PHKB: variants seen among roughly 807,000 people sequenced by gnomAD.
PHKB encodes the protein phosphorylase kinase regulatory subunit beta, also known as phosphorylase b kinase regulatory subunit beta.
In PHKB, 122 loss-of-function variants were observed where a neutral mutation model predicts 152.1. The observed-to-expected ratio is 0.80, with a 90% CI of 0.69 to 0.93. The LOEUF (loss-of-function observed/expected upper bound fraction) is 0.93, where lower values mean the gene tolerates loss of function less well. PHKB is among the 40% of genes least tolerant of loss of function. PHKB has a pLI of 0.00. For synonymous variants in PHKB, 436 were observed against 464.9 expected, an observed-to-expected ratio of 0.94 and a Z score of 0.80; for missense variants, 1,304 against 1,328.4, an observed-to-expected ratio of 0.98 and a Z score of 0.29.
chr16:47,655,938 A>G (rs1973328620), intron 20 of PHKB, among the ~76,000 whole-genome samples: 1 of 150,318 alleles, frequency 6.7e-6, no homozygotes, highest in Non-Finnish European at 1.5e-5. Context: ...TACCTATCTC[A>G]TTTTCCCATT....
intron 4 of PHKB, among the ~76,000 whole-genome samples, chr16:47,510,157 C>G (rs1029555725): frequency 6.6e-6 from 1 of 152,194 alleles, no homozygotes; most frequent in African/African-American, 2.4e-5. Context: ...GCATTACCCT[C>G]TTGGCATGCA....
chr16:47,476,034 AT>A (rs538419863), intron 1 of PHKB, among the ~76,000 whole-genome samples: 6 of 150,122 alleles, frequency 4.0e-5, no homozygotes, highest in Non-Finnish European at 7.4e-5. Flanking sequence ...TGCCCAGCTA[AT>A]TTTTTTTTTC....
intron 1 of PHKB, among the ~76,000 whole-genome samples, chr16:47,472,224 T>A (rs371760175): frequency 2.0e-4 from 30 of 152,224 alleles, no homozygotes; most frequent in Admixed American, 7.8e-4. Flanking sequence ...TCCTTGATTC[T>A]TTGCTTGATT....
intron 28 of PHKB, among the ~76,000 whole-genome samples, chr16:47,695,842 A>G (rs567173828): frequency 2.0e-5 from 3 of 152,244 alleles, no homozygotes; most frequent in Non-Finnish European, 4.4e-5. Flanking sequence ...TTCTTGTTTT[A>G]AATGAAAGAT....
Position 47,594,160 on chromosome 16 carries a change from C to T in PHKB, c.1150C>T (p.Gln384Ter). The T allele has an allele frequency of 6.4e-7, 1 of 1,565,094 alleles. No homozygotes were observed. The change falls in exon 12 of 31, where the codon CAA becomes TAA. Residue 384 changes from glutamine to a stop codon, truncating the protein, a stop_gained. Transcript: ENST00000323584. LOFTEE classifies it high-confidence loss of function. ...AGGAGTTTTTAGAGGCAATCCTAAG[C>T]AAGTACAGGAATATCAGGATCTTTT... ...IDGVFRGNPK[Q>*]VQEYQDLLTP...
chr16:47,682,273 C>T (rs994635584), intron 26 of PHKB, among the ~76,000 whole-genome samples: 9 of 152,070 alleles, frequency 5.9e-5, no homozygotes, highest in African/African-American at 1.7e-4. Flanking sequence ...ATCTTTGTGG[C>T]GTTCTCTGTA....
intron 6 of PHKB, among the ~76,000 whole-genome samples, chr16:47,545,342 T>C (rs997823644): frequency 1.3e-5 from 2 of 152,190 alleles, no homozygotes; most frequent in Non-Finnish European, 2.9e-5. Flanking sequence ...TATTTCTCCT[T>C]CACTTATGAA....
intron 1 of PHKB, among the ~76,000 whole-genome samples, chr16:47,494,314 A>T (rs1970198503): frequency 6.6e-6 from 1 of 152,244 alleles, no homozygotes; most frequent in Non-Finnish European, 1.5e-5. Context: ...GATTAGCATC[A>T]GTTACAGGTG....
chr16:47,483,207 CTTTGTATTT>C (rs1206162357), intron 1 of PHKB, among the ~76,000 whole-genome samples: 2 of 151,138 alleles, frequency 1.3e-5, no homozygotes, highest in Admixed American at 6.6e-5. Context: ...CCCAGCTAAG[CTTTGTATTT>C]TTTGTATTTT....
chr16:47,524,406 T>C (rs369635049), intron 6 of PHKB, among the ~76,000 whole-genome samples: 1 of 152,196 alleles, frequency 6.6e-6, no homozygotes, highest in East Asian at 1.9e-4. Flanking sequence ...CTGCATACAT[T>C]TTGCTACATT....
chr16:47,593,429 G>A lies in PHKB; in HGVS notation c.1069-71G>A. ...CACTCCAGCCTGGGCCACAGAGTGAGATCTTGTCTCAAAATAATAATAATA... is the reference window on the plus strand; with the variant it reads ...CACTCCAGCCTGGGCCACAGAGTGAAATCTTGTCTCAAAATAATAATAATA... On this transcript the variant is annotated intron_variant, in intron 10 of 30. Transcript: ENST00000323584. 3.5e-6 allele frequency: 3 copies of A among 855,992 alleles called. No homozygotes were observed. In the South Asian group the frequency reaches 4.3e-5, roughly 12 times the overall value. 53.0% of individuals were successfully genotyped at this position (855,992 alleles called of 1,614,324 possible). A position where few individuals can be genotyped will look rare whatever the true frequency, so the allele number is the denominator to read the frequency against.
intron 7 of PHKB, chr16:47,565,905 T>A: frequency 8.9e-7 from 1 of 1,125,800 alleles, no homozygotes; most frequent in Non-Finnish European, 1.3e-6. Flanking sequence ...AGGCTTTAGA[T>A]TCAGTTTGGG....
chr16:47,483,393 C>G (rs548421181), intron 1 of PHKB, among the ~76,000 whole-genome samples: 1 of 152,206 alleles, frequency 6.6e-6, no homozygotes, highest in African/African-American at 2.4e-5. Flanking sequence ...TTCTTTTCCC[C>G]TCCATATAAT....
intron 25 of PHKB, among the ~76,000 whole-genome samples, chr16:47,666,843 A>G (rs1973547993): frequency 6.6e-6 from 1 of 152,224 alleles, no homozygotes; most frequent in Non-Finnish European, 1.5e-5. Context: ...TACCTGGCTG[A>G]ATCATCCTTT....
At chr16:47,596,583 A>C in intron 13 of PHKB, 52 bp downstream of exon 13, 2 of 1,525,454 alleles carry the variant, frequency 1.3e-6, no homozygotes. Context: ...TTAAGCTATT[A>C]GAAATAAATA....
intron 1 of PHKB, chr16:47,463,039 A>G (rs1037581345): frequency 6.6e-6 from 1 of 152,638 alleles, no homozygotes; most frequent in African/African-American, 2.4e-5. Flanking sequence ...TCTGGATATA[A>G]AAAGTGTTAT....
chr16:47,621,425 A>T (rs1567330773), intron 14 of PHKB, among the ~76,000 whole-genome samples: 1 of 152,144 alleles, frequency 6.6e-6, no homozygotes. Flanking sequence ...TTTGTTCTAA[A>T]TCTATTCAGT....
At chr16:47,586,930 G>A (rs1325873889) in intron 8 of PHKB, among the ~76,000 whole-genome samples, 3 of 151,610 alleles carry the variant, frequency 2.0e-5, no homozygotes, top group Non-Finnish European at 4.4e-5. Context: ...ATATATATGT[G>A]TGTGTGCATA....
rs1335434562 is a variant in PHKB at position 47,476,290 on chromosome 16, A to G, written c.76+14864A>G. The stretch of plus-strand genomic sequence containing the variant: ...AAAAGCGTGTTTTCTTAACTTACGT[A>G]TTTCTAACAGAAATTATTTTAGTTT... On this transcript the variant is annotated intron_variant, in intron 1 of 30. Coordinates refer to ENST00000323584, the MANE Select transcript of PHKB (RefSeq NM_000293.3). Among the ~76,000 whole-genome samples the G allele has an allele frequency of 3.9e-5, 6 of 152,308 alleles. No individual in the cohort carries two copies. In the East Asian group the frequency reaches 1.2e-3, roughly 29 times the overall value.
Sources: allele counts gnomAD v4.1 joint callset (sites outside exome capture counted in the v4.1 genomes callset), GRCh38; gene constraint gnomAD v4.1.1; transcripts MANE v1.5; gene names NCBI Gene and HGNC (gene_info 2026-07-23, HGNC 2026-07-21).